Variants in TRIM55 observed in about 807,000 individuals in gnomAD.
TRIM55 encodes tripartite motif containing 55, also known as tripartite motif-containing protein 55.
TRIM55 carries 50 observed loss-of-function variants against 60.9 expected under a neutral mutation model. That is an observed-to-expected ratio of 0.82 (90% CI 0.65 to 1.04). TRIM55 has a LOEUF of 1.04. Ranked by LOEUF, TRIM55 falls within the 50% of genes least tolerant of loss-of-function variation. The probability of loss-of-function intolerance (pLI) is 0.00; values close to 1 mark genes in which losing one functional copy is unlikely to be tolerated. For missense variants in TRIM55, 681 were observed against 666.9 expected (o/e 1.02, Z -0.23); for synonymous variants, 237 against 238.1 (o/e 1.00, Z 0.04).
the TRIM55 span, among the ~76,000 whole-genome samples, chr8:66,120,207 A>G: frequency 2.0e-5 from 3 of 152,204 alleles, no homozygotes; most frequent in Admixed American, 1.3e-4. Context: ...GTATAATAGT[A>G]AAAATAATTT....
chr8:66,139,730 A>G (rs1176744015), intron 4 of TRIM55, among the ~76,000 whole-genome samples: 1 of 152,182 alleles, frequency 6.6e-6, no homozygotes, highest in Non-Finnish European at 1.5e-5. Context: ...TGAGGCTGCA[A>G]ATTATCAGGA....
chr8:66,129,645 T>C (rs1318607032), intron 2 of TRIM55, among the ~76,000 whole-genome samples: 1 of 152,218 alleles, frequency 6.6e-6, no homozygotes, highest in East Asian at 1.9e-4. Flanking sequence ...GTACTATTGC[T>C]GTTGCTGTTA....
chr8:66,125,901 G>C (rs904979425), upstream of TRIM55, among the ~76,000 whole-genome samples: 3 of 152,174 alleles, frequency 2.0e-5, no homozygotes, highest in African/African-American at 7.2e-5. Flanking sequence ...TAAAATGAAG[G>C]AGAAAGAAAG....
Position 66,174,654 on chromosome 8 carries a change from G to T in TRIM55, c.*61G>T. 14 of 1,479,842 alleles carry T rather than the reference G, an allele frequency of 9.5e-6. No individual in the cohort carries two copies. Among genetic ancestry groups the T allele is most frequent in the Non-Finnish European group, 1.3e-5 (14 of 1,118,414 alleles). The allele number at this position is 1,479,842 out of a possible 1,614,324, so 91.7% of individuals were successfully genotyped here. ...CTGAGATGCATGTGGGCAGCAGGAA[G>T]CCCAAGTGAAATTAATATTATGCAG... On this transcript the variant is annotated 3_prime_UTR_variant, in exon 10 of 10. Transcript: ENST00000315962.
chr8:66,166,849 C>A (rs1295361366), intron 9 of TRIM55, among the ~76,000 whole-genome samples: 5 of 152,166 alleles, frequency 3.3e-5, no homozygotes, highest in Admixed American at 6.5e-5. Flanking sequence ...GTGGATGAAT[C>A]CCCACTTCAC....
chr8:66,158,760 A>G (rs552509959), intron 9 of TRIM55, among the ~76,000 whole-genome samples: 21 of 152,328 alleles, frequency 1.4e-4, no homozygotes, highest in Admixed American at 8.5e-4. Context: ...CTCAAAGTAC[A>G]TTTCTTGACT....
intron 4 of TRIM55, among the ~76,000 whole-genome samples, chr8:66,148,669 T>G (rs1810236010): frequency 6.6e-6 from 1 of 152,066 alleles, no homozygotes; most frequent in Non-Finnish European, 1.5e-5. Context: ...ATGAGAGAAA[T>G]TGGAACCAGA....
At chr8:66,134,662 A>T (rs936800358) in intron 2 of TRIM55, among the ~76,000 whole-genome samples, 1 of 152,144 alleles carries the variant, frequency 6.6e-6, no homozygotes, top group East Asian at 1.9e-4. Flanking sequence ...TTTCACTACC[A>T]GATTCTGAAA....
chr8:66,137,621 A>G (rs1161671405), intron 4 of TRIM55, among the ~76,000 whole-genome samples: 1 of 152,170 alleles, frequency 6.6e-6, no homozygotes, highest in Admixed American at 6.5e-5. Flanking sequence ...CGAAGTGGCC[A>G]TAAGGAGGAG....
chr8:66,127,201 C>A lies in TRIM55; in HGVS notation c.-68C>A, dbSNP rs773684425. ...GATCACACAATCCCTGGAATAATAT[C>A]CAGGAAACACTTGCTGGAGCCACTC... On this transcript the variant is annotated 5_prime_UTR_variant, in exon 1 of 10. Transcript: ENST00000315962. The A allele has an allele frequency of 4.7e-4, 696 of 1,477,750 alleles. No homozygotes were observed. Among genetic ancestry groups the A allele is most frequent in the Non-Finnish European group, 6.0e-4 (643 of 1,079,704 alleles). The allele number at this position is 1,477,750 out of a possible 1,614,324, so 91.5% of individuals were successfully genotyped here. A position where few individuals can be genotyped will look rare whatever the true frequency, so the allele number is the denominator to read the frequency against.
intron 9 of TRIM55, among the ~76,000 whole-genome samples, chr8:66,157,149 G>C (rs1035295275): frequency 6.6e-6 from 1 of 152,158 alleles, no homozygotes; most frequent in African/African-American, 2.4e-5. Flanking sequence ...ATGCTTCAAG[G>C]CTGTGATCCA....
the TRIM55 span, among the ~76,000 whole-genome samples, chr8:66,118,747 G>A: frequency 6.6e-6 from 1 of 152,224 alleles, no homozygotes; most frequent in Admixed American, 6.5e-5. Flanking sequence ...TCTGTGGTCA[G>A]ATGGGTTATA....
chr8:66,174,407 G>A, intron 9 of TRIM55, 64 bp from the exon 10 acceptor site: 4 of 1,540,386 alleles, frequency 2.6e-6, no homozygotes, highest in Non-Finnish European at 3.5e-6. Flanking sequence ...ATAGAAAAGT[G>A]ACTGGACCAA....
intron 4 of TRIM55, among the ~76,000 whole-genome samples, chr8:66,139,556 G>A (rs1301109460): frequency 6.6e-6 from 1 of 152,174 alleles, no homozygotes; most frequent in East Asian, 1.9e-4. Context: ...CAGCAGAAGG[G>A]ATTAGTGCAG....
chr8:66,149,808 A>G lies in TRIM55; in HGVS notation c.767A>G (p.Glu256Gly), dbSNP rs1442206585. The G allele has an allele frequency of 6.2e-7, 1 of 1,614,218 alleles. No individual in the cohort carries two copies. Among genetic ancestry groups the G allele is most frequent in the Admixed American group, 1.7e-5 (1 of 60,034 alleles). ...ALIKKYSDHL[E>G]NVSKLVESGI... is the part of the protein sequence containing the mutation. ...ATCAAAAAGTATTCTGATCATTTGG[A>G]GAACGTCTCAAAGTTGGTTGAGTCA... The change falls in exon 5 of 10, where the codon GAG (glutamate) becomes GGG (glycine). Residue 256 changes from glutamate to glycine, a missense_variant. Coordinates refer to ENST00000315962, the MANE Select transcript of TRIM55 (RefSeq NM_184085.2).
At chr8:66,159,902 G>T (rs749993183) in intron 9 of TRIM55, among the ~76,000 whole-genome samples, 6 of 152,128 alleles carry the variant, frequency 3.9e-5, no homozygotes, top group Non-Finnish European at 8.8e-5. Context: ...TATCTTCCTA[G>T]AAGTTCTTTA....
rs1009344554 is a variant in TRIM55 at position 66,174,470 on chromosome 8, G to C, written c.1525-1G>C. 1.2e-6 allele frequency: 2 copies of C among 1,610,906 alleles called. No homozygotes were observed. The highest frequency in any genetic ancestry group is 1.7e-5 in the Admixed American group (1 of 59,200). ...CTGATTCCCATTTTCTTCCATTGCA[G>C]ATTGGATTTGAGGCTCCTCCCCTCC... On this transcript the variant is annotated splice_acceptor_variant, in intron 9 of 9. Coordinates refer to ENST00000315962, the MANE Select transcript of TRIM55 (RefSeq NM_184085.2). LOFTEE classifies it high-confidence loss of function.
At chr8:66,116,329 C>T in the TRIM55 span, among the ~76,000 whole-genome samples, 8 of 152,110 alleles carry the variant, frequency 5.3e-5, 1 homozygote, top group Admixed American at 2.6e-4. Context: ...AGAAACAGGT[C>T]GGCATGGTGG....
chr8:66,174,500 AC>A lies in TRIM55; in HGVS notation c.1555del (p.Gln519ArgfsTer25). 6.2e-7 allele frequency: 1 copy of A among 1,612,420 alleles called. No individual in the cohort carries two copies. The highest frequency in any genetic ancestry group is 1.1e-5 in the South Asian group (1 of 90,814). ...GATTTGAGGCTCCTCCCCTCCAGGG[AC>A]AGGCTGCAGCTCCAGCGAGTGGCAG... ...IGFEAPPLQGQAAAPASGSGA... is the reference protein window; with the variant it reads ...IGFEAPPLQGXAAAPASGSGA... On this transcript the variant is annotated frameshift_variant, in exon 10 of 10. Coordinates refer to ENST00000315962, the MANE Select transcript of TRIM55 (RefSeq NM_184085.2). LOFTEE classifies it high-confidence loss of function.
Sources: gnomAD v4.1 joint callset for allele counts (sites outside exome capture counted in the v4.1 genomes callset) on GRCh38, gnomAD v4.1.1 for gene constraint, MANE v1.5 for transcripts, NCBI Gene and HGNC (gene_info 2026-07-23, HGNC 2026-07-21) for gene names.